The following RBM19 variants were observed in gnomAD, a reference collection of about 807,000 sequenced individuals.
The protein encoded by RBM19 is probable RNA-binding protein 19.
A neutral mutation model predicts 116.8 loss-of-function variants in RBM19; 94 were observed. The observed-to-expected ratio is 0.80, with a 90% CI of 0.68 to 0.95. The LOEUF (loss-of-function observed/expected upper bound fraction) is 0.95. Among genes scored for constraint, RBM19 ranks in the 40% least tolerant of loss-of-function variants. The probability of loss-of-function intolerance (pLI) is 0.00; values close to 1 mark genes in which losing one functional copy is unlikely to be tolerated. For missense variants in RBM19, 1,161 were observed against 1,220.7 expected (o/e 0.95, Z 0.73); for synonymous variants, 475 against 494.1 (o/e 0.96, Z 0.51).
chr12:113,939,815 G>T, intron 15 of RBM19, 145 bp downstream of exon 15: 1 of 793,614 alleles, frequency 1.3e-6, no homozygotes, highest in Non-Finnish European at 2.0e-6. Context: ...CGGCAGGGAT[G>T]ATATTCAGCC....
intron 21 of RBM19, among the ~76,000 whole-genome samples, chr12:113,879,157 A>G (rs1879905223): frequency 6.6e-6 from 1 of 152,156 alleles, no homozygotes. Context: ...AAGGAAAGTG[A>G]AAGCCTGGGG....
intron 22 of RBM19, among the ~76,000 whole-genome samples, chr12:113,851,734 G>GTTT (rs11361920): frequency 0.064 from 9,277 of 144,144 alleles, 578 homozygotes; most frequent in East Asian, 0.33. Flanking sequence ...TTGTGGTAAA[G>GTTT]TTTTTTTTTT....
intron 23 of RBM19, among the ~76,000 whole-genome samples, chr12:113,839,330 A>C (rs563961244): frequency 6.6e-5 from 10 of 152,300 alleles, no homozygotes; most frequent in Non-Finnish European, 1.3e-4. Context: ...TGCTGTGGGC[A>C]CCTCCTGTGT....
chr12:113,877,208 A>G (rs1879734407), intron 21 of RBM19, among the ~76,000 whole-genome samples: 1 of 152,236 alleles, frequency 6.6e-6, no homozygotes, highest in African/African-American at 2.4e-5. Context: ...ACCTCCTCTG[A>G]TACACCAGTG....
chr12:113,835,261 GT>G (rs1399135729), intron 23 of RBM19, among the ~76,000 whole-genome samples: 2 of 152,180 alleles, frequency 1.3e-5, no homozygotes, highest in East Asian at 3.9e-4. Flanking sequence ...TGATGATTAG[GT>G]TCTTATGTAT....
At chr12:113,940,536 G>A (rs1195469828) in intron 14 of RBM19, among the ~76,000 whole-genome samples, 1 of 152,228 alleles carries the variant, frequency 6.6e-6, no homozygotes, top group African/African-American at 2.4e-5. Context: ...CAGCCAGCAG[G>A]ACGTGCTGCA....
At chr12:113,867,878 G>A (rs1217868770) in intron 21 of RBM19, among the ~76,000 whole-genome samples, 1 of 152,140 alleles carries the variant, frequency 6.6e-6, no homozygotes, top group Non-Finnish European at 1.5e-5. Flanking sequence ...ACAGAGAGCC[G>A]AGATTGCACC....
intron 13 of RBM19, among the ~76,000 whole-genome samples, chr12:113,943,192 G>A (rs1870727615): frequency 6.6e-6 from 1 of 152,164 alleles, no homozygotes; most frequent in African/African-American, 2.4e-5. Context: ...GCCCTCACCA[G>A]GCCTGCCGCA....
chr12:113,833,567 C>T (rs1480014860), intron 23 of RBM19, among the ~76,000 whole-genome samples: 1 of 152,210 alleles, frequency 6.6e-6, no homozygotes, highest in Non-Finnish European at 1.5e-5. Flanking sequence ...ACCCCAGGAC[C>T]TTGGCACCCA....
chr12:113,926,176 G>T (rs543919031), intron 17 of RBM19, among the ~76,000 whole-genome samples: 1 of 152,092 alleles, frequency 6.6e-6, no homozygotes, highest in African/African-American at 2.4e-5. Flanking sequence ...CCCAATGTTT[G>T]CCTCCATATC....
chr12:113,961,550 G>A (rs1028711798), intron 2 of RBM19, among the ~76,000 whole-genome samples: 3 of 152,170 alleles, frequency 2.0e-5, no homozygotes, highest in Non-Finnish European at 4.4e-5. Flanking sequence ...AGAGGAATAC[G>A]ATTGTGTCTA....
chr12:113,905,163 G>A (rs1881955821), intron 21 of RBM19, among the ~76,000 whole-genome samples: 1 of 152,212 alleles, frequency 6.6e-6, no homozygotes, highest in Non-Finnish European at 1.5e-5. Flanking sequence ...GCCAACCCCA[G>A]CCAGGCAATC....
downstream of RBM19, chr12:113,817,670 T>G (rs1468874178): frequency 6.6e-6 from 1 of 150,384 alleles, no homozygotes. Context: ...TGGCTCTTTC[T>G]TTAAACTGTG....
At chr12:113,915,874 G>A (rs1407901043) in intron 20 of RBM19, among the ~76,000 whole-genome samples, 1 of 152,106 alleles carries the variant, frequency 6.6e-6, no homozygotes, top group Non-Finnish European at 1.5e-5. Flanking sequence ...ACCATGTTAG[G>A]ACTTACCTCC....
chr12:113,851,131 A>G (rs933846497), intron 22 of RBM19, among the ~76,000 whole-genome samples: 4 of 152,186 alleles, frequency 2.6e-5, no homozygotes, highest in African/African-American at 9.6e-5. Flanking sequence ...TTTGCCCAGA[A>G]TAAGTTAAGC....
downstream of RBM19, chr12:113,817,749 TCTG>T (rs1309982884): frequency 6.6e-6 from 1 of 152,448 alleles, no homozygotes; most frequent in Non-Finnish European, 1.5e-5. Flanking sequence ...AAGAGACAGT[TCTG>T]CTGCCGTGGC....
In RBM19 at chr12:113,825,856, G is replaced by A. The variant is rs1476791348; in HGVS notation, c.2786-2535C>T. ...TCCTCCCAGGAGTCTGGTCTCAAAC[G>A]GCAGCCAGAGGGAGCTTGTTAAATC... On this transcript the variant is annotated intron_variant, in intron 23 of 23. Coordinates refer to ENST00000261741, the MANE Select transcript of RBM19 (RefSeq NM_016196.4). This position sits in a 1 kb window ranked among gnomAD's most constrained non-coding sequence, Gnocchi z 5.7. Among the ~76,000 whole-genome samples the A allele has an allele frequency of 2.6e-5, 4 of 152,156 alleles. No homozygotes were observed. Among genetic ancestry groups the A allele is most frequent in the Non-Finnish European group, 4.4e-5 (3 of 68,018 alleles).
chr12:113,942,574 A>T, intron 13 of RBM19, 140 bp from the exon 14 acceptor site: 1 of 538,738 alleles, frequency 1.9e-6, no homozygotes, highest in Non-Finnish European at 3.2e-6. Flanking sequence ...CATTGATCAG[A>T]TGCCCCCAAC....
At chr12:113,854,514 G>C (rs1256186349) in intron 22 of RBM19, among the ~76,000 whole-genome samples, 1 of 152,088 alleles carries the variant, frequency 6.6e-6, no homozygotes, top group African/African-American at 2.4e-5. Context: ...ATGTGGGGAA[G>C]GCTCTTTAAG....
Sources: allele counts gnomAD v4.1 joint callset (sites outside exome capture counted in the v4.1 genomes callset), GRCh38; gene constraint gnomAD v4.1.1; non-coding constraint Gnocchi (gnomAD v3.1); transcripts MANE v1.5; gene names NCBI Gene and HGNC (gene_info 2026-07-23, HGNC 2026-07-21).